Variants in HPX observed in about 807,000 individuals in gnomAD.
HPX encodes hemopexin.
A neutral mutation model predicts 53.8 loss-of-function variants in HPX; 42 were observed. That is an observed-to-expected ratio of 0.78 (90% CI 0.61 to 1.01). HPX has a LOEUF of 1.01. Among genes scored for constraint, HPX ranks in the 50% least tolerant of loss-of-function variants. The probability of loss-of-function intolerance (pLI) is 0.00; values close to 1 mark genes in which losing one functional copy is unlikely to be tolerated. For missense variants in HPX, 547 were observed against 594.3 expected (o/e 0.92, Z 0.83); for synonymous variants, 229 against 221.1 (o/e 1.04, Z -0.32).
chr11:6,438,205 C>T (rs1421173895), intron 5 of HPX, 151 bp downstream of exon 5: 7 of 756,898 alleles, frequency 9.2e-6, no homozygotes, highest in Admixed American at 4.6e-5. Context: ...CCTCACGTGA[C>T]CTCTAGACCA....
chr11:6,436,506 C>G (rs1376861150), intron 7 of HPX, among the ~76,000 whole-genome samples: 3 of 152,200 alleles, frequency 2.0e-5, no homozygotes, highest in Admixed American at 1.3e-4. Flanking sequence ...GTGAAGCCAG[C>G]CTCTAAAGGT....
chr11:6,431,054 G>A lies in HPX; in HGVS notation c.*157C>T, dbSNP rs1441445760. 2.0e-6 allele frequency: 2 copies of A among 982,584 alleles called. No homozygotes were observed. The highest frequency in any genetic ancestry group is 1.5e-6 in the Non-Finnish European group (1 of 685,250). 60.9% of individuals were successfully genotyped at this position (982,584 alleles called of 1,614,324 possible). ...TCACGACCAAGGTCCCTTGATTCAA[G>A]TGAAGAAGCAATCTGTCTTTATTAT... On this transcript the variant is annotated 3_prime_UTR_variant, in exon 10 of 10. Transcript: ENST00000265983.
intron 4 of HPX, among the ~76,000 whole-genome samples, chr11:6,439,227 G>A (rs1849454896): frequency 6.6e-6 from 1 of 152,226 alleles, no homozygotes; most frequent in South Asian, 2.1e-4. Context: ...CCAACCTCAT[G>A]TAGATTCGTA....
At chr11:6,437,417 C>T in intron 6 of HPX, 23 bp downstream of exon 6, 1 of 1,602,296 alleles carries the variant, frequency 6.2e-7, no homozygotes, top group Non-Finnish European at 8.5e-7. Context: ...TCTGACAGGT[C>T]TCAAGTGCTA....
At chr11:6,432,116 T>A in intron 7 of HPX, 99 bp from the exon 8 acceptor site, 1 of 1,368,816 alleles carries the variant, frequency 7.3e-7, no homozygotes, top group Non-Finnish European at 1.0e-6. Flanking sequence ...AGGGAGAGAA[T>A]GCATCCAGAG....
At position 6,431,069 on chromosome 11, in the gene HPX, G is replaced by A. The variant is rs1476655542; in HGVS notation, c.*142C>T. On this transcript the variant is annotated 3_prime_UTR_variant, in exon 10 of 10. Coordinates refer to ENST00000265983, the MANE Select transcript of HPX (RefSeq NM_000613.3). ...CTTGATTCAAGTGAAGAAGCAATCTGTCTTTATTATGAGAAACTGGGGAGG... is the reference window on the plus strand; with the variant it reads ...CTTGATTCAAGTGAAGAAGCAATCTATCTTTATTATGAGAAACTGGGGAGG... The A allele has an allele frequency of 9.0e-7, 1 of 1,105,558 alleles. No homozygotes were observed. Among genetic ancestry groups the A allele is most frequent in the East Asian group, 2.5e-5 (1 of 39,272 alleles). 68.5% of individuals were successfully genotyped at this position (1,105,558 alleles called of 1,614,324 possible).
rs187368914 is a variant in HPX, at chr11:6,437,758, G to A, written c.491-106C>T. The A allele has an allele frequency of 8.4e-5, 67 of 795,940 alleles. No homozygotes were observed. The African/African-American group carries it at 1.0e-3, about 12-fold the overall frequency. The allele number at this position is 795,940 out of a possible 1,614,324, so 49.3% of individuals were successfully genotyped here. ...CAGATAATGGTACTGACCACATGGA[G>A]CTCACAGCCATCAGAGAGATGGCTA... On this transcript the variant is annotated intron_variant, in intron 5 of 9. Coordinates refer to ENST00000265983, the MANE Select transcript of HPX (RefSeq NM_000613.3).
In HPX at chr11:6,431,714, A is replaced by C. The variant is rs1354217652; in HGVS notation, c.1056T>G (p.Pro352=). 1 of 1,614,224 alleles carries C rather than the reference A, an allele frequency of 6.2e-7. No individual in the cohort carries two copies. The highest frequency in any genetic ancestry group is 2.2e-5 in the East Asian group (1 of 44,880). Residue 352 remains proline, a synonymous_variant, in exon 9 of 10, where the codon CCT becomes CCG. Coordinates refer to ENST00000265983, the MANE Select transcript of HPX (RefSeq NM_000613.3). ...CCACAGAGTCCAGGATAATCCCATG[A>C]GGGGTCCCGACTTCCTTCTCCAGCC... is the stretch of plus-strand genomic sequence containing the variant. ...PKRLEKEVGT[P]HGIILDSVDA... is the part of the protein sequence containing the mutation.
intron 6 of HPX, 131 bp from the exon 7 acceptor site, chr11:6,437,308 T>G: frequency 2.2e-6 from 3 of 1,376,792 alleles, no homozygotes; most frequent in Admixed American, 2.0e-5. Flanking sequence ...AAATCCAGAA[T>G]GGAAATGGGG....
At chr11:6,440,314 C>A in intron 3 of HPX, 28 bp from the exon 4 acceptor site, 1 of 1,613,100 alleles carries the variant, frequency 6.2e-7, no homozygotes, top group Non-Finnish European at 8.5e-7. Context: ...CACTGAGGGG[C>A]CCAGTGAGAA....
chr11:6,439,392 T>C (rs1235371585), intron 4 of HPX, among the ~76,000 whole-genome samples: 2 of 152,100 alleles, frequency 1.3e-5, no homozygotes, highest in Non-Finnish European at 2.9e-5. Context: ...AAAGGTTGGT[T>C]TGTAAAGAAG....
chr11:6,440,050 G>T, intron 4 of HPX, 115 bp downstream of exon 4: 1 of 1,378,780 alleles, frequency 7.3e-7, no homozygotes, highest in South Asian at 1.2e-5. Flanking sequence ...GGGCACATGG[G>T]AAAGAAATCT....
intron 7 of HPX, among the ~76,000 whole-genome samples, chr11:6,435,960 A>ACT (rs201749439): frequency 0.01 from 1,562 of 148,874 alleles, 30 homozygotes; most frequent in African/African-American, 0.036. Context: ...TCTCTCACTC[A>ACT]CTCTCTCTCT....
chr11:6,431,849 TCC>T (rs757338723), intron 8 of HPX, 36 bp downstream of exon 8: 1 of 1,613,908 alleles, frequency 6.2e-7, no homozygotes, highest in Non-Finnish European at 8.5e-7. Context: ...GATATGCTTG[TCC>T]CAGTCTCTAC....
intron 3 of HPX, 56 bp downstream of exon 3, chr11:6,440,411 T>A: frequency 1.3e-6 from 2 of 1,590,510 alleles, no homozygotes; most frequent in South Asian, 1.1e-5. Context: ...AGGGACACCC[T>A]TTGTGAAGGA....
chr11:6,440,665 G>C lies in HPX; in HGVS notation c.142+7C>G, dbSNP rs201631304. On this transcript the variant is annotated splice_region_variant and intron_variant, in intron 2 of 9. Transcript: ENST00000265983. ...GATAAGACAGACTTAGGGAGTCAGGGCCTCACCAGTCACGTCTGGGTCTGG... is the reference window on the plus strand; with the variant it reads ...GATAAGACAGACTTAGGGAGTCAGGCCCTCACCAGTCACGTCTGGGTCTGG... The C allele has an allele frequency of 1.8e-4, 296 of 1,611,634 alleles. No homozygotes were observed. Among genetic ancestry groups the C allele is most frequent in the Non-Finnish European group, 2.3e-4 (274 of 1,178,976 alleles).
intron 6 of HPX, 89 bp downstream of exon 6, chr11:6,437,351 G>A (rs1353685001): frequency 4.3e-6 from 6 of 1,404,240 alleles, no homozygotes; most frequent in Admixed American, 1.7e-5. Flanking sequence ...GCAACACGGA[G>A]TTAAAGTGAG....
In HPX at chr11:6,431,460, C is replaced by T. The variant is rs141820214; in HGVS notation, c.1140G>A (p.Leu380=). The change falls in exon 10 of 10, where the codon CTG becomes CTA. Residue 380 remains leucine, a synonymous_variant. Coordinates refer to ENST00000265983, the MANE Select transcript of HPX (RefSeq NM_000613.3). The part of the protein sequence containing the change: ...SRLHIMAGRR[L]WWLDLKSGAQ... ...CTCCTGACTTCAGGTCCAGCCACCA[C>T]AGCCGCCGTCCTGGGGAGAAGGCAC... The T allele has an allele frequency of 1.4e-5, 22 of 1,614,078 alleles. No individual in the cohort carries two copies. In the African/African-American group the frequency reaches 2.9e-4, roughly 22 times the overall value.
chr11:6,440,414 GTGAAGGAGAGTAAGTCTAAGGTCC>G, intron 3 of HPX, 29 bp downstream of exon 3: 1 of 1,588,536 alleles, frequency 6.3e-7, no homozygotes, highest in Non-Finnish European at 8.6e-7. Flanking sequence ...GACACCCTTT[GTGAAGGAGAGTAAGTCTAAGGTCC>G]TAAACGCCCT....
Sources: gnomAD v4.1 joint callset for allele counts (sites outside exome capture counted in the v4.1 genomes callset) on GRCh38, gnomAD v4.1.1 for gene constraint, MANE v1.5 for transcripts, NCBI Gene and HGNC (gene_info 2026-07-23, HGNC 2026-07-21) for gene names.